PKIA: variants seen among roughly 807,000 people sequenced by gnomAD.
PKIA encodes cAMP-dependent protein kinase inhibitor alpha.
In PKIA, 4 loss-of-function variants were observed where a neutral mutation model predicts 7.6. The observed-to-expected ratio is 0.52, with a 90% CI of 0.26 to 1.20. The LOEUF (loss-of-function observed/expected upper bound fraction) is 1.20, where lower values mean the gene tolerates loss of function less well. PKIA is among the 50% of genes most tolerant of loss of function. PKIA has a pLI of 0.13. For synonymous variants in PKIA, 21 were observed against 30.7 expected (o/e 0.68, Z 1.04); for missense variants, 73 against 86.2 (o/e 0.85, Z 0.61).
intron 1 of PKIA, among the ~76,000 whole-genome samples, chr8:78,520,102 G>A (rs891804565): frequency 2.0e-5 from 3 of 152,118 alleles, no homozygotes; most frequent in African/African-American, 7.2e-5. Context: ...CTACATATAT[G>A]TATTATAGGT....
At chr8:78,540,260 T>C (rs1806646428) in intron 1 of PKIA, among the ~76,000 whole-genome samples, 1 of 151,936 alleles carries the variant, frequency 6.6e-6, no homozygotes, top group Non-Finnish European at 1.5e-5. Context: ...CCCCTGCCCC[T>C]AGCAAGTATT....
At chr8:78,587,895 T>C (rs1807989028) in intron 2 of PKIA, among the ~76,000 whole-genome samples, 2 of 152,122 alleles carry the variant, frequency 1.3e-5, no homozygotes, top group Admixed American at 1.3e-4. Flanking sequence ...CAGCCTAGTT[T>C]TACTATGAAC....
chr8:78,574,117 T>A (rs1376616358), intron 2 of PKIA, among the ~76,000 whole-genome samples: 2 of 152,028 alleles, frequency 1.3e-5, no homozygotes, highest in Admixed American at 6.6e-5. Context: ...TGCAAACTTT[T>A]CTTTTCTTCA....
intron 1 of PKIA, among the ~76,000 whole-genome samples, chr8:78,563,981 A>T (rs1807344142): frequency 6.6e-6 from 1 of 152,112 alleles, no homozygotes; most frequent in South Asian, 2.1e-4. Flanking sequence ...TACAGTGTGA[A>T]TGGCCTTTCA....
intron 1 of PKIA, among the ~76,000 whole-genome samples, chr8:78,526,799 C>G (rs986619165): frequency 2.6e-5 from 4 of 151,802 alleles, no homozygotes; most frequent in Non-Finnish European, 4.4e-5. Context: ...GCCTCACTTA[C>G]TGTGGAATCT....
chr8:78,525,313 T>C (rs556934203), intron 1 of PKIA, among the ~76,000 whole-genome samples: 1 of 151,958 alleles, frequency 6.6e-6, no homozygotes, highest in Admixed American at 6.6e-5. Context: ...ATCTCATTGA[T>C]TGTAAAGAAC....
Position 78,601,837 on chromosome 8 carries a change from C to G in PKIA, c.*16C>G, listed in dbSNP as rs1808356637. 16 of 1,573,392 alleles carry G rather than the reference C, an allele frequency of 1.0e-5. No homozygotes were observed. Among genetic ancestry groups the G allele is most frequent in the Non-Finnish European group, 1.4e-5 (16 of 1,143,924 alleles). On this transcript the variant is annotated 3_prime_UTR_variant, in exon 4 of 4. Coordinates refer to ENST00000396418, the MANE Select transcript of PKIA (RefSeq NM_006823.4). ...TGAAAGCTAACACCCCACTTTGACC[C>G]TCGACCACACCTGAAAATGTCTCAA...
In PKIA at chr8:78,593,347, T is replaced by A. The variant is rs529652842; in HGVS notation, c.-27-5011T>A. 3.9e-5 allele frequency among the ~76,000 whole-genome samples: 6 copies of A among 152,294 alleles called. No homozygotes were observed. The South Asian group carries it at 1.2e-3, about 32-fold the overall frequency. On this transcript the variant is annotated intron_variant, in intron 2 of 3. Coordinates refer to ENST00000396418, the MANE Select transcript of PKIA (RefSeq NM_006823.4). Reference sequence around the variant, plus strand: ...CATGTTGGTCAGGGTGGTTTCGAACTCCTGACCTCTTGATCAGCCTGCCTC... The same window carrying A: ...CATGTTGGTCAGGGTGGTTTCGAACACCTGACCTCTTGATCAGCCTGCCTC...
At position 78,601,970 on chromosome 8, in the gene PKIA, G is replaced by C; in HGVS notation, c.*149G>C. ...TGCTCATTATCATGTTAAAAATGAG[G>C]GCAGAGGCTGTGGCTGCAGGCAGAC... On this transcript the variant is annotated 3_prime_UTR_variant, in exon 4 of 4. Transcript: ENST00000396418. 1.6e-6 allele frequency: 1 copy of C among 627,014 alleles called. No individual in the cohort carries two copies. 38.8% of individuals were successfully genotyped at this position (627,014 alleles called of 1,614,324 possible). A position where few individuals can be genotyped will look rare whatever the true frequency, so the allele number is the denominator to read the frequency against.
chr8:78,525,639 TAGGTTAATCTCA>T (rs1809527304), intron 1 of PKIA, among the ~76,000 whole-genome samples: 3 of 152,038 alleles, frequency 2.0e-5, no homozygotes, highest in Admixed American at 6.6e-5. Context: ...GCAAAGCAAT[TAGGTTAATCTCA>T]AAATGTCTGA....
At chr8:78,553,980 T>C (rs896624431) in intron 1 of PKIA, among the ~76,000 whole-genome samples, 1 of 151,818 alleles carries the variant, frequency 6.6e-6, no homozygotes, top group Non-Finnish European at 1.5e-5. Context: ...TTCATAGACA[T>C]AGCAAAGAAA....
At chr8:78,576,040 TTTC>T (rs1372538934) in intron 2 of PKIA, among the ~76,000 whole-genome samples, 1 of 152,002 alleles carries the variant, frequency 6.6e-6, no homozygotes, top group Non-Finnish European at 1.5e-5. Context: ...CTGGAGTCTT[TTTC>T]TTCTTATAAG....
At chr8:78,521,073 C>G (rs1023456314) in intron 1 of PKIA, among the ~76,000 whole-genome samples, 17 of 152,092 alleles carry the variant, frequency 1.1e-4, no homozygotes, top group Admixed American at 5.9e-4. Flanking sequence ...GAACGTTACA[C>G]ATTCCAAATG....
At chr8:78,533,013 T>C (rs1370816070) in intron 1 of PKIA, among the ~76,000 whole-genome samples, 1 of 152,164 alleles carries the variant, frequency 6.6e-6, no homozygotes, top group Non-Finnish European at 1.5e-5. Flanking sequence ...TGAGTATCCT[T>C]GAAGCCTAGA....
chr8:78,575,380 C>T (rs1181784314), intron 2 of PKIA, among the ~76,000 whole-genome samples: 3 of 151,776 alleles, frequency 2.0e-5, no homozygotes, highest in Non-Finnish European at 4.4e-5. Flanking sequence ...AAATTGGCAT[C>T]ATACTTTCTG....
At chr8:78,564,198 A>C (rs1317728491) in intron 1 of PKIA, among the ~76,000 whole-genome samples, 1 of 151,972 alleles carries the variant, frequency 6.6e-6, no homozygotes, top group Non-Finnish European at 1.5e-5. Context: ...GAAAAAAAAG[A>C]ATGGCCCTTA....
intron 3 of PKIA, among the ~76,000 whole-genome samples, chr8:78,599,892 T>C (rs1400082471): frequency 1.3e-5 from 2 of 151,306 alleles, no homozygotes; most frequent in Non-Finnish European, 3.0e-5. Flanking sequence ...AAGTTGAGAA[T>C]TGTTAGCCCT....
At chr8:78,568,334 G>A (rs1288342246) in intron 1 of PKIA, among the ~76,000 whole-genome samples, 3 of 151,956 alleles carry the variant, frequency 2.0e-5, no homozygotes, top group Non-Finnish European at 4.4e-5. Flanking sequence ...AAATCAAATC[G>A]TAATAACCTT....
chr8:78,516,724 T>G (rs1347811305), intron 1 of PKIA, among the ~76,000 whole-genome samples: 1 of 152,236 alleles, frequency 6.6e-6, no homozygotes, highest in Non-Finnish European at 1.5e-5. Context: ...AGTGCCAGAT[T>G]CGCGTAGACA....
Sources: allele counts gnomAD v4.1 joint callset (sites outside exome capture counted in the v4.1 genomes callset), GRCh38; gene constraint gnomAD v4.1.1; transcripts MANE v1.5; gene names NCBI Gene and HGNC (gene_info 2026-07-23, HGNC 2026-07-21).